The following MYLK variants were observed in gnomAD, a reference collection of about 807,000 sequenced individuals.
MYLK encodes the protein myosin light chain kinase.
Under a neutral mutation model 203.4 loss-of-function variants are expected in MYLK, and 106 were observed. The ratio of observed to expected loss-of-function variants is 0.52; its 90% confidence interval spans 0.45 to 0.61. The LOEUF is 0.61. MYLK is among the 20% of genes least tolerant of loss of function. The pLI is 0.00. For synonymous variants in MYLK, 867 were observed against 959.5 expected (o/e 0.90, Z 1.78); for missense variants, 2,072 against 2,442.3 (o/e 0.85, Z 3.20).
At chr3:123,716,936 C>T (rs1161379278) in intron 13 of MYLK, among the ~76,000 whole-genome samples, 1 of 152,102 alleles carries the variant, frequency 6.6e-6, no homozygotes, top group Non-Finnish European at 1.5e-5. Context: ...CAATTCTGTA[C>T]TCAACCTACA....
At chr3:123,698,149 G>A (rs921813810) in intron 18 of MYLK, among the ~76,000 whole-genome samples, 4 of 152,162 alleles carry the variant, frequency 2.6e-5, no homozygotes, top group African/African-American at 9.7e-5. Flanking sequence ...GCCCCCAACT[G>A]ACTTAACCTC....
At chr3:123,708,346 T>G (rs1301521485) in intron 15 of MYLK, among the ~76,000 whole-genome samples, 1 of 152,204 alleles carries the variant, frequency 6.6e-6, no homozygotes, top group Admixed American at 6.5e-5. Flanking sequence ...CCTCTCCTCT[T>G]AAATATGTTA....
chr3:123,763,962 C>T (rs533271994), intron 4 of MYLK, among the ~76,000 whole-genome samples: 1 of 152,338 alleles, frequency 6.6e-6, no homozygotes, highest in Non-Finnish European at 1.5e-5. Context: ...GACTGACCTA[C>T]ATTTCTTTTC....
chr3:123,664,541 C>T (rs1241742063), intron 22 of MYLK, among the ~76,000 whole-genome samples: 2 of 152,140 alleles, frequency 1.3e-5, no homozygotes, highest in East Asian at 1.9e-4. Context: ...CAGAAATATC[C>T]TGGTCTCCCT....
At chr3:123,743,972 TG>T (rs2062938350) in intron 5 of MYLK, among the ~76,000 whole-genome samples, 1 of 152,130 alleles carries the variant, frequency 6.6e-6, no homozygotes, top group Non-Finnish European at 1.5e-5. Context: ...CCAGGAAAAG[TG>T]GGGAGCAGTC....
At chr3:123,860,227 C>T (rs1305291063) in intron 2 of MYLK, among the ~76,000 whole-genome samples, 1 of 152,180 alleles carries the variant, frequency 6.6e-6, no homozygotes, top group African/African-American at 2.4e-5. Flanking sequence ...CGGCTCCAGA[C>T]CAGAGGTGTA....
chr3:123,822,586 T>C (rs1328683348), intron 3 of MYLK, among the ~76,000 whole-genome samples: 1 of 152,216 alleles, frequency 6.6e-6, no homozygotes, highest in Non-Finnish European at 1.5e-5. Context: ...AAAGAGCCCA[T>C]CATGACCCAT....
In MYLK at chr3:123,708,787, T is replaced by C. The variant is rs1275116499; in HGVS notation, c.2051A>G (p.Glu684Gly). The change falls in exon 15 of 34, where the codon GAA (glutamate) becomes GGA (glycine). Residue 684 changes from glutamate to glycine, a missense_variant. Transcript: ENST00000360304. ...RGTQHSLCIQ[E>G]VFPEDTGTYT... ...CGTGCCCGTGTCCTCCGGGAACACTTCCTGGATACAAAGGCTGTGCTGAGT... is the reference window on the plus strand; with the variant it reads ...CGTGCCCGTGTCCTCCGGGAACACTCCCTGGATACAAAGGCTGTGCTGAGT... 5 of 1,614,172 alleles carry C rather than the reference T, an allele frequency of 3.1e-6. No homozygotes were observed. Among genetic ancestry groups the C allele is most frequent in the Non-Finnish European group, 4.2e-6 (5 of 1,180,024 alleles).
chr3:123,830,369 T>C (rs1196033672), intron 3 of MYLK, among the ~76,000 whole-genome samples: 1 of 152,174 alleles, frequency 6.6e-6, no homozygotes, highest in Non-Finnish European at 1.5e-5. Context: ...CATATTAGAG[T>C]CCAACCTTAT....
rs536471240 is a variant in MYLK, at chr3:123,701,584, C to T, written c.2391-75G>A. 3.2e-5 allele frequency: 48 copies of T among 1,483,586 alleles called. No homozygotes were observed. In the African/African-American group the frequency reaches 5.8e-4, roughly 18 times the overall value. The allele number at this position is 1,483,586 out of a possible 1,614,324, so 91.9% of individuals were successfully genotyped here. On this transcript the variant is annotated intron_variant, in intron 16 of 33. Coordinates refer to ENST00000360304, the MANE Select transcript of MYLK (RefSeq NM_053025.4). ...GGCCTGTTCAGTGTGGACTTGATCA[C>T]AGGCTGCTGGCCAGCGGGGAAGATG...
Position 123,735,565 on chromosome 3 carries a change from C to G in MYLK, c.755-149G>C, listed in dbSNP as rs73860152. 5.1e-5 allele frequency: 41 copies of G among 802,548 alleles called. No individual in the cohort carries two copies. In the East Asian group the frequency reaches 7.6e-4, roughly 15 times the overall value. The allele number at this position is 802,548 out of a possible 1,614,324, so 49.7% of individuals were successfully genotyped here. On this transcript the variant is annotated intron_variant, in intron 8 of 33. Coordinates refer to ENST00000360304, the MANE Select transcript of MYLK (RefSeq NM_053025.4). ...GCTGAACGTCTTTGGCCTTTGAACT[C>G]CCCCCAGCCCTAGAGTACATTGTCA...
At chr3:123,660,896 A>G (rs1327534785) in intron 23 of MYLK, among the ~76,000 whole-genome samples, 1 of 152,234 alleles carries the variant, frequency 6.6e-6, no homozygotes, top group African/African-American at 2.4e-5. Flanking sequence ...AGCTTCATCC[A>G]GGTTTACTTT....
At chr3:123,657,853 C>T (rs2059439509) in intron 23 of MYLK, among the ~76,000 whole-genome samples, 1 of 152,202 alleles carries the variant, frequency 6.6e-6, no homozygotes, top group Non-Finnish European at 1.5e-5. Flanking sequence ...TGGCCAATGA[C>T]CTGTGACATA....
At chr3:123,702,489 T>C (rs1480812542) in intron 16 of MYLK, among the ~76,000 whole-genome samples, 2 of 152,228 alleles carry the variant, frequency 1.3e-5, no homozygotes, top group Admixed American at 6.5e-5. Flanking sequence ...GAAAGGGGGC[T>C]CTGGGGTGGG....
In MYLK at chr3:123,638,167, A is replaced by T; in HGVS notation, c.4865T>A (p.Phe1622Tyr). The change falls in exon 29 of 34, where the codon TTT becomes TAT. Residue 1622 changes from phenylalanine to tyrosine, a missense_variant. Physicochemically the swap from Phe to Tyr is conservative, Grantham distance 22. Transcript: ENST00000360304. ...AGGAGCCACAAATTCTGGGGTGCCA[A>T]AGAGGACCTTCAGAGACCCCGCATT... ...LENAGSLKVL[F>Y]GTPEFVAPEV... 1.2e-6 allele frequency: 2 copies of T among 1,614,008 alleles called. No homozygotes were observed. The highest frequency in any genetic ancestry group is 1.7e-6 in the Non-Finnish European group (2 of 1,180,026).
Position 123,707,763 on chromosome 3 carries a change from A to G in MYLK, c.2381T>C (p.Ile794Thr), listed in dbSNP as rs1365992021. The G allele has an allele frequency of 1.2e-6, 2 of 1,614,076 alleles. No homozygotes were observed. The highest frequency in any genetic ancestry group is 2.7e-5 in the African/African-American group (2 of 74,936). Residue 794 changes from isoleucine to threonine, a missense_variant, in exon 16 of 34, where the codon ATC (isoleucine) becomes ACC (threonine). Transcript: ENST00000360304. ...GGACATGCAGACTCACTTGAGCAGG[A>G]TCTCATACTGGCCGGCATGCCAGGG... ...VQPWHAGQYEILLKNRVGECS... is the reference protein window; with the variant it reads ...VQPWHAGQYETLLKNRVGECS...
intron 2 of MYLK, among the ~76,000 whole-genome samples, chr3:123,870,921 G>A (rs9875754): frequency 0.012 from 1,869 of 152,286 alleles, 44 homozygotes; most frequent in African/African-American, 0.043. Context: ...CAAAACTGCA[G>A]GAACTCCAAC....
intron 20 of MYLK, chr3:123,682,015 G>A: frequency 1.6e-6 from 1 of 636,260 alleles, no homozygotes; most frequent in South Asian, 1.7e-5. Flanking sequence ...GAGACAGGCT[G>A]GAGAGAGCAC....
intron 24 of MYLK, among the ~76,000 whole-genome samples, chr3:123,656,903 C>T (rs2059405466): frequency 6.6e-6 from 1 of 152,146 alleles, no homozygotes; most frequent in African/African-American, 2.4e-5. Flanking sequence ...GGCAGCATGC[C>T]AAAATTGCTG....
Sources: gnomAD v4.1 joint callset for allele counts (sites outside exome capture counted in the v4.1 genomes callset) on GRCh38, gnomAD v4.1.1 for gene constraint, MANE v1.5 for transcripts, NCBI Gene and HGNC (gene_info 2026-07-23, HGNC 2026-07-21) for gene names.